SUV39H2: variants seen among roughly 807,000 people sequenced by gnomAD.
SUV39H2 encodes SUV39H2 histone lysine methyltransferase.
In SUV39H2, 10 loss-of-function variants were observed where a neutral mutation model predicts 47.5. The observed-to-expected ratio is 0.21, with a 90% CI of 0.13 to 0.36. The LOEUF (loss-of-function observed/expected upper bound fraction) is 0.36, where lower values mean the gene tolerates loss of function less well. Ranked by LOEUF, SUV39H2 falls within the 10% of genes least tolerant of loss-of-function variation. The pLI is 1.00. For synonymous variants in SUV39H2, 159 were observed against 166.8 expected (o/e 0.95, Z 0.36); for missense variants, 266 against 487.4 (o/e 0.55, Z 4.28).
chr10:14,883,867 A>T (rs1833123551), intron 2 of SUV39H2, among the ~76,000 whole-genome samples: 1 of 152,160 alleles, frequency 6.6e-6, no homozygotes. Flanking sequence ...CTCCAGCCGT[A>T]GGGCAGCCAC....
In SUV39H2 at chr10:14,897,283, A is replaced by G. The variant is rs1833659986; in HGVS notation, c.615A>G (p.Glu205=). The part of the protein sequence containing the change: ...DCFFQKCCPA[E]AGVLLAYNKN... ...TCTTTCAAAAATGTTGTCCTGCTGA[A>G]GCTGGAGTTCTTTTGGCTTATAATA... Residue 205 remains glutamate, a synonymous_variant, in exon 3 of 6, where the codon GAA becomes GAG. Transcript: ENST00000354919. 6.2e-7 allele frequency: 1 copy of G among 1,613,768 alleles called. No homozygotes were observed. Among genetic ancestry groups the G allele is most frequent in the Admixed American group, 1.7e-5 (1 of 60,004 alleles).
intron 2 of SUV39H2, among the ~76,000 whole-genome samples, chr10:14,886,914 G>A (rs1338155954): frequency 6.6e-6 from 1 of 152,240 alleles, no homozygotes; most frequent in Non-Finnish European, 1.5e-5. Flanking sequence ...AGCCTGAAAA[G>A]GCGAGCATTG....
intron 2 of SUV39H2, among the ~76,000 whole-genome samples, chr10:14,891,303 C>T (rs1833381613): frequency 6.6e-6 from 1 of 152,110 alleles, no homozygotes; most frequent in South Asian, 2.1e-4. Flanking sequence ...TGAATGGGGC[C>T]ATGATGGAAG....
At chr10:14,880,380 A>G (rs189700678) in intron 1 of SUV39H2, among the ~76,000 whole-genome samples, 81 of 152,308 alleles carry the variant, frequency 5.3e-4, no homozygotes, top group African/African-American at 1.8e-3. Flanking sequence ...AATTACCTCA[A>G]AACGCAAAAG....
At chr10:14,881,950 G>A (rs1833050914) in intron 2 of SUV39H2, among the ~76,000 whole-genome samples, 1 of 152,138 alleles carries the variant, frequency 6.6e-6, no homozygotes. Flanking sequence ...TTTGTTCGTG[G>A]ATCGTATTTC....
Position 14,901,161 on chromosome 10 carries a change from T to C in SUV39H2, c.1025T>C (p.Val342Ala). Residue 342 changes from valine to alanine, a missense_variant, in exon 5 of 6, where the codon GTT (valine) becomes GCT (alanine). Physicochemically the swap from Val to Ala is moderately conservative, Grantham distance 64 (BLOSUM62 0). Transcript: ENST00000354919. ...SCDPNLQVFN[V>A]FIDNLDTRLP... ...GACCCAAATCTTCAGGTGTTCAATG[T>C]TTTCATTGATAACCTCGATACTCGT... 6.2e-7 allele frequency: 1 copy of C among 1,613,986 alleles called. No homozygotes were observed. Among genetic ancestry groups the C allele is most frequent in the Non-Finnish European group, 8.5e-7 (1 of 1,179,906 alleles).
At chr10:14,883,227 CTCAG>C (rs2131671509) in intron 2 of SUV39H2, among the ~76,000 whole-genome samples, 1 of 152,234 alleles carries the variant, frequency 6.6e-6, no homozygotes, top group African/African-American at 2.4e-5. Flanking sequence ...ACTGATATAT[CTCAG>C]TCAGTAAACA....
In SUV39H2 at chr10:14,903,741, T is replaced by C. The variant is rs1419932148; in HGVS notation, c.*1229T>C. 6.6e-6 allele frequency: 1 copy of C among 152,172 alleles called. No individual in the cohort carries two copies. The highest frequency in any genetic ancestry group is 2.4e-5 in the African/African-American group (1 of 41,430). The allele number at this position is 152,172 out of a possible 1,614,324, so 9.4% of individuals were successfully genotyped here. A position where few individuals can be genotyped will look rare whatever the true frequency, so the allele number is the denominator to read the frequency against. ...TCATGTCTGATTCTGAGATTTCTAA[T>C]TGTGTTGTGAAAATGATAAATGCAG... On this transcript the variant is annotated 3_prime_UTR_variant, in exon 6 of 6. Transcript: ENST00000354919.
chr10:14,900,459 T>G lies in SUV39H2; in HGVS notation c.997-674T>G, dbSNP rs553151565. Reference sequence around the variant, plus strand: ...TGGATTTCATAGTAAGAAATTGGTGTATGATTAGCAGAGAGCTTCTGGGCC... The same window carrying G: ...TGGATTTCATAGTAAGAAATTGGTGGATGATTAGCAGAGAGCTTCTGGGCC... On this transcript the variant is annotated intron_variant, in intron 4 of 5. Coordinates refer to ENST00000354919, the MANE Select transcript of SUV39H2 (RefSeq NM_001193424.2). 2.6e-5 allele frequency among the ~76,000 whole-genome samples: 4 copies of G among 152,294 alleles called. No homozygotes were observed. The South Asian group carries it at 6.2e-4, about 24-fold the overall frequency.
intron 2 of SUV39H2, among the ~76,000 whole-genome samples, chr10:14,885,360 A>G (rs1430320935): frequency 2.0e-5 from 3 of 152,204 alleles, no homozygotes; most frequent in Non-Finnish European, 4.4e-5. Context: ...ATGATTGCAT[A>G]TATCTTTAAT....
At chr10:14,892,795 G>A (rs1328019843) in intron 2 of SUV39H2, among the ~76,000 whole-genome samples, 1 of 150,752 alleles carries the variant, frequency 6.6e-6, no homozygotes, top group Non-Finnish European at 1.5e-5. Context: ...AACTGACACC[G>A]AAGATAGTTG....
chr10:14,894,355 G>GTT lies in SUV39H2; in HGVS notation c.178-2462_178-2461dup, dbSNP rs35812740. Among the ~76,000 whole-genome samples the GTT allele has an allele frequency of 7.4e-3, 427 of 58,072 alleles. 78 individuals are homozygous for GTT. Among genetic ancestry groups the GTT allele is most frequent in the East Asian group, 0.015 (26 of 1,692 alleles). 38.1% of individuals were successfully genotyped at this position (58,072 alleles called of 152,430 possible). A position where few individuals can be genotyped will look rare whatever the true frequency, so the allele number is the denominator to read the frequency against. ...TGACCAATTTTCAAAAGAAAGCAAA[G>GTT]TTTTTTTTTTTTTTTTTTTTTTTTT... On this transcript the variant is annotated intron_variant, in intron 2 of 5. Transcript: ENST00000354919.
chr10:14,897,391 T>C lies in SUV39H2; in HGVS notation c.723T>C (p.Asn241=), dbSNP rs1215895427. ...SRCQCGPDCP[N]RIVQKGTQYS... ...GTCAGTGTGGTCCTGATTGTCCCAA[T>C]AGGATTGTACAAAAAGGCACACAGT... Residue 241 remains asparagine (N), a synonymous_variant, in exon 3 of 6, where the codon AAT becomes AAC. Transcript: ENST00000354919. 2 of 1,613,426 alleles carry C rather than the reference T, an allele frequency of 1.2e-6. No homozygotes were observed. Among genetic ancestry groups the C allele is most frequent in the Non-Finnish European group, 1.7e-6 (2 of 1,179,912 alleles).
intron 3 of SUV39H2, chr10:14,898,584 C>G (rs1833768762): frequency 6.6e-6 from 1 of 152,102 alleles, no homozygotes; most frequent in African/African-American, 2.4e-5. Flanking sequence ...CTTGTATAAT[C>G]AAATTACTCT....
At chr10:14,879,022 G>C (rs1428530528) in intron 1 of SUV39H2, 103 bp downstream of exon 1, 1 of 1,318,192 alleles carries the variant, frequency 7.6e-7, no homozygotes, top group Non-Finnish European at 9.7e-7. Context: ...GCGACGTGGC[G>C]GTTCCCCGCC....
chr10:14,896,929 G>C lies in SUV39H2; in HGVS notation c.261G>C (p.Pro87=), dbSNP rs760782631. 1 of 1,613,746 alleles carries C rather than the reference G, an allele frequency of 6.2e-7. No homozygotes were observed. Among genetic ancestry groups the C allele is most frequent in the Non-Finnish European group, 8.5e-7 (1 of 1,179,878 alleles). Residue 87 remains proline (P), a synonymous_variant, in exon 3 of 6, where the codon CCG becomes CCC. Transcript: ENST00000354919. The part of the protein sequence containing the change: ...TWEPLQNLKC[P]LLLQQFSNDK... ...AACCTTTGCAAAATCTGAAGTGCCC[G>C]TTACTGCTTCAGCAATTCTCTAATG...
intron 2 of SUV39H2, among the ~76,000 whole-genome samples, chr10:14,889,284 A>C (rs995244501): frequency 6.6e-6 from 1 of 151,906 alleles, no homozygotes; most frequent in Admixed American, 6.6e-5. Flanking sequence ...AATTTTGAGG[A>C]GGTATTATGC....
intron 2 of SUV39H2, among the ~76,000 whole-genome samples, chr10:14,889,456 A>T (rs1833318142): frequency 6.6e-6 from 1 of 152,180 alleles, no homozygotes; most frequent in Admixed American, 6.5e-5. Flanking sequence ...TTTGCTTTTT[A>T]AAAATGGAGC....
At chr10:14,884,919 A>G (rs566818720) in intron 2 of SUV39H2, among the ~76,000 whole-genome samples, 182 of 152,364 alleles carry the variant, frequency 1.2e-3, no homozygotes, top group Non-Finnish European at 1.7e-3. Flanking sequence ...ATGAGTTAAC[A>G]TAGATAGAAT....
Sources: gnomAD v4.1 joint callset for allele counts (sites outside exome capture counted in the v4.1 genomes callset) on GRCh38, gnomAD v4.1.1 for gene constraint, MANE v1.5 for transcripts, NCBI Gene and HGNC (gene_info 2026-07-23, HGNC 2026-07-21) for gene names.